C12orf42: variants seen among roughly 807,000 people sequenced by gnomAD.
C12orf42 encodes the protein chromosome 12 open reading frame 42.
C12orf42 carries 25 observed loss-of-function variants against 21.6 expected under a neutral mutation model. The observed-to-expected ratio is 1.16, with a 90% confidence interval of 0.84 to 1.62. The LOEUF (loss-of-function observed/expected upper bound fraction) is 1.62. Among genes scored for constraint, C12orf42 ranks in the 40% most tolerant of loss-of-function variants. C12orf42 has a pLI of 0.00. For synonymous variants in C12orf42, 174 were observed against 175.0 expected (o/e 0.99, Z 0.05); for missense variants, 483 against 459.3 (o/e 1.05, Z -0.47).
rs554551224 is a variant in C12orf42 at position 103,331,848 on chromosome 12, G to C, written c.260-25503C>G. 3.9e-5 allele frequency among the ~76,000 whole-genome samples: 6 copies of C among 152,240 alleles called. No individual in the cohort carries two copies. The South Asian group carries it at 1.2e-3, about 32-fold the overall frequency. ...GTATCTATAGTCATTGCCCACAAGG[G>C]GGAAGACACAGGATAGCAGTATAGG... On this transcript the variant is annotated intron_variant, in intron 4 of 5. Coordinates refer to ENST00000548883, the MANE Select transcript of C12orf42 (RefSeq NM_198521.5).
chr12:103,255,586 C>T (rs1255074789), intron 10 of C12orf42, among the ~76,000 whole-genome samples: 2 of 151,944 alleles, frequency 1.3e-5, no homozygotes, highest in Non-Finnish European at 2.9e-5. Context: ...TTTAATAATA[C>T]TATTTCTTTT....
At chr12:103,544,050 C>T in the C12orf42 span, among the ~76,000 whole-genome samples, 5 of 152,088 alleles carry the variant, frequency 3.3e-5, no homozygotes, top group Non-Finnish European at 4.4e-5. Flanking sequence ...CCTGCCACCA[C>T]GCCCAGCTAA....
At chr12:103,061,403 G>A in the C12orf42 span, among the ~76,000 whole-genome samples, 2 of 152,180 alleles carry the variant, frequency 1.3e-5, no homozygotes, top group South Asian at 4.1e-4. Flanking sequence ...GTGGTTCACT[G>A]TGTTGTTTCC....
chr12:103,291,257 C>A (rs2036802027), intron 4 of C12orf42, among the ~76,000 whole-genome samples: 1 of 152,142 alleles, frequency 6.6e-6, no homozygotes. Flanking sequence ...GACTGTGTGA[C>A]TTTGGACAAG....
At chr12:103,392,183 A>G in intron 3 of C12orf42, among the ~76,000 whole-genome samples, 1 of 152,276 alleles carries the variant, frequency 6.6e-6, no homozygotes, top group Admixed American at 6.5e-5. Flanking sequence ...ATCAGTTTAT[A>G]TGCCTATCTG....
intron 5 of C12orf42, among the ~76,000 whole-genome samples, chr12:103,271,423 T>A (rs1253781405): frequency 6.6e-6 from 1 of 152,150 alleles, no homozygotes; most frequent in Non-Finnish European, 1.5e-5. Context: ...TCATACAGGG[T>A]GAGAGGCAAG....
chr12:103,507,076 AT>A, the C12orf42 span, among the ~76,000 whole-genome samples: 38 of 11,896 alleles, frequency 3.2e-3, 3 homozygotes, highest in Middle Eastern at 0.05. Context: ...ATAAATATAT[AT>A]TTATATATAA....
the C12orf42 span, among the ~76,000 whole-genome samples, chr12:103,146,614 G>GAAAA: frequency 1.3e-5 from 1 of 78,418 alleles, no homozygotes; most frequent in Non-Finnish European, 2.8e-5. Flanking sequence ...GAAAGAAAAA[G>GAAAA]AAAAGTAAAC....
chr12:103,102,941 C>A, the C12orf42 span, among the ~76,000 whole-genome samples: 1 of 152,062 alleles, frequency 6.6e-6, no homozygotes, highest in Non-Finnish European at 1.5e-5. Context: ...CAACTGGAGA[C>A]CACTCTCAGC....
chr12:103,422,660 T>A (rs112776190), intron 2 of C12orf42, among the ~76,000 whole-genome samples: 1,719 of 152,192 alleles, frequency 0.011, 25 homozygotes, highest in African/African-American at 0.038. Context: ...AGCATAGAAA[T>A]TTTTTAAAGC....
intron 2 of C12orf42, among the ~76,000 whole-genome samples, chr12:103,424,812 G>T (rs181178111): frequency 1.0e-3 from 156 of 152,278 alleles, no homozygotes; most frequent in Non-Finnish European, 2.0e-3. Flanking sequence ...TTCCCCAGTG[G>T]TGCCTGGAAC....
At chr12:103,529,222 C>T in the C12orf42 span, among the ~76,000 whole-genome samples, 1 of 152,152 alleles carries the variant, frequency 6.6e-6, no homozygotes, top group African/African-American at 2.4e-5. Flanking sequence ...AGATCTCAAC[C>T]TTTGTGTTCA....
chr12:103,519,427 A>G, the C12orf42 span, among the ~76,000 whole-genome samples: 9 of 152,192 alleles, frequency 5.9e-5, no homozygotes, highest in Non-Finnish European at 1.0e-4. Context: ...ATTCATCTCA[A>G]TAGATATGTT....
intron 2 of C12orf42, among the ~76,000 whole-genome samples, chr12:103,444,670 C>T (rs1055482216): frequency 6.6e-6 from 1 of 152,026 alleles, no homozygotes; most frequent in Non-Finnish European, 1.5e-5. Flanking sequence ...GAAAACTTAA[C>T]TAGAATTTGA....
At chr12:103,276,121 A>G (rs1380408309) in intron 5 of C12orf42, among the ~76,000 whole-genome samples, 14 of 152,182 alleles carry the variant, frequency 9.2e-5, no homozygotes, top group African/African-American at 3.4e-4. Flanking sequence ...AAAAAAGAAA[A>G]ATTGCATAGT....
At chr12:103,524,352 C>T in the C12orf42 span, among the ~76,000 whole-genome samples, 2 of 152,276 alleles carry the variant, frequency 1.3e-5, no homozygotes, top group South Asian at 4.1e-4. Flanking sequence ...AGATTCCCAT[C>T]GTTTCCAGCC....
At chr12:103,392,760 AGGC>A (rs2047180897) in intron 3 of C12orf42, among the ~76,000 whole-genome samples, 1 of 152,230 alleles carries the variant, frequency 6.6e-6, no homozygotes, top group South Asian at 2.1e-4. Flanking sequence ...GTCAATGTTC[AGGC>A]ACTTGCATTA....
At chr12:103,411,439 A>G (rs2048837596) in intron 2 of C12orf42, among the ~76,000 whole-genome samples, 1 of 152,192 alleles carries the variant, frequency 6.6e-6, no homozygotes. Context: ...AAGCACAGAA[A>G]GTAAAATTGT....
At chr12:103,397,613 A>G (rs141088587) in intron 3 of C12orf42, 1 of 152,320 alleles carries the variant, frequency 6.6e-6, no homozygotes, top group East Asian at 1.9e-4. Flanking sequence ...ATTATCTTCC[A>G]CAAAACCAAT....
Sources: allele counts gnomAD v4.1 joint callset (sites outside exome capture counted in the v4.1 genomes callset), GRCh38; gene constraint gnomAD v4.1.1; transcripts MANE v1.5; gene names NCBI Gene and HGNC (gene_info 2026-07-23, HGNC 2026-07-21).